Variants in RHOBTB3 observed in about 807,000 individuals in gnomAD.
The protein encoded by RHOBTB3 is rho-related BTB domain-containing protein 3.
In RHOBTB3, 47 loss-of-function variants were observed where a neutral mutation model predicts 67.2. The observed-to-expected ratio is 0.70, with a 90% confidence interval of 0.55 to 0.89. The LOEUF is 0.89. RHOBTB3 is among the 40% of genes least tolerant of loss of function. RHOBTB3 has a pLI of 0.00. For missense variants in RHOBTB3, 631 were observed against 750.0 expected, an observed-to-expected ratio of 0.84 and a Z score of 1.85; for synonymous variants, 273 against 274.2, an observed-to-expected ratio of 1.00 and a Z score of 0.04.
At chr5:95,724,372 A>G (rs994818653) in intron 1 of RHOBTB3, among the ~76,000 whole-genome samples, 1 of 152,268 alleles carries the variant, frequency 6.6e-6, no homozygotes, top group Non-Finnish European at 1.5e-5. Context: ...ACATTTTTAC[A>G]TGTTTAACAC....
upstream of RHOBTB3, among the ~76,000 whole-genome samples, chr5:95,729,415 C>T (rs1308068234): frequency 6.6e-6 from 1 of 152,156 alleles, no homozygotes; most frequent in Non-Finnish European, 1.5e-5. Flanking sequence ...TCTGACACTT[C>T]CAAGTTGTCA....
At chr5:95,764,831 CTT>C (rs987963180) in intron 7 of RHOBTB3, among the ~76,000 whole-genome samples, 9 of 150,552 alleles carry the variant, frequency 6.0e-5, no homozygotes, top group African/African-American at 2.2e-4. Context: ...AGAAAATAGT[CTT>C]TTTTGTAAAC....
intron 10 of RHOBTB3, among the ~76,000 whole-genome samples, chr5:95,786,928 A>G (rs1746240152): frequency 6.6e-6 from 1 of 152,204 alleles, no homozygotes. Flanking sequence ...AGGTCTGTAC[A>G]TTAGCTAGAA....
chr5:95,734,293 T>C, intron 2 of RHOBTB3, among the ~76,000 whole-genome samples: 1 of 136,574 alleles, frequency 7.3e-6, no homozygotes, highest in South Asian at 2.1e-4. Context: ...GAAATTCAGA[T>C]TTTTTTTTTT....
intron 4 of RHOBTB3, among the ~76,000 whole-genome samples, chr5:95,751,086 G>A (rs1054108524): frequency 1.2e-4 from 19 of 152,168 alleles, no homozygotes; most frequent in Non-Finnish European, 2.8e-4. Context: ...TTTGCCCCAG[G>A]CCTTGCAAGC....
intron 1 of RHOBTB3, among the ~76,000 whole-genome samples, chr5:95,724,060 T>G (rs903930457): frequency 6.6e-5 from 10 of 152,230 alleles, no homozygotes; most frequent in Admixed American, 2.0e-4. Context: ...ATTATGAAAT[T>G]TTCCTCTCAA....
intron 8 of RHOBTB3, 86 bp from the exon 9 acceptor site, chr5:95,780,166 G>A: frequency 9.6e-7 from 1 of 1,039,296 alleles, no homozygotes; most frequent in Non-Finnish European, 1.4e-6. Flanking sequence ...TGTCCCTAAT[G>A]TGGTAGTCTA....
intron 2 of RHOBTB3, chr5:95,732,844 C>A (rs1202349755): frequency 6.6e-6 from 1 of 152,168 alleles, no homozygotes; most frequent in Non-Finnish European, 1.5e-5. Flanking sequence ...ATATTTTCAG[C>A]ATACAATAAC....
chr5:95,760,367 T>C (rs1745363409), intron 6 of RHOBTB3, among the ~76,000 whole-genome samples: 1 of 152,216 alleles, frequency 6.6e-6, no homozygotes, highest in African/African-American at 2.4e-5. Flanking sequence ...GGTTGCACAT[T>C]CTTGAGTCAT....
chr5:95,747,024 A>G (rs1410123919), intron 3 of RHOBTB3, among the ~76,000 whole-genome samples: 1 of 152,184 alleles, frequency 6.6e-6, no homozygotes, highest in Non-Finnish European at 1.5e-5. Context: ...ATGTCCTTTC[A>G]GGGCCAGTGT....
intron 7 of RHOBTB3, among the ~76,000 whole-genome samples, chr5:95,764,931 A>G (rs759069544): frequency 5.3e-5 from 8 of 152,168 alleles, no homozygotes; most frequent in Non-Finnish European, 1.0e-4. Context: ...TTTTACAAGT[A>G]TATGGCAGGA....
intron 7 of RHOBTB3, among the ~76,000 whole-genome samples, chr5:95,767,483 A>C (rs1396507403): frequency 6.6e-6 from 1 of 152,040 alleles, no homozygotes; most frequent in Non-Finnish European, 1.5e-5. Flanking sequence ...TATTACAGGC[A>C]CATGCCACCA....
intron 8 of RHOBTB3, chr5:95,779,936 G>A (rs1015334012): frequency 6.5e-6 from 2 of 307,700 alleles, no homozygotes; most frequent in African/African-American, 4.2e-5. Context: ...CAATTGGAAA[G>A]GATTGATGTT....
Position 95,752,230 on chromosome 5 carries a change from C to A in RHOBTB3, c.571-9C>A. On this transcript the variant is annotated splice_polypyrimidine_tract_variant and intron_variant, in intron 4 of 11. Transcript: ENST00000379982. ...TGGATCTTCAATTAAAATTTGATTC[C>A]TGTTTTAGTTGGAGTATTTTATGAT... 6.9e-7 allele frequency: 1 copy of A among 1,458,042 alleles called. No individual in the cohort carries two copies. The highest frequency in any genetic ancestry group is 1.2e-5 in the South Asian group (1 of 80,936). The allele number at this position is 1,458,042 out of a possible 1,614,324, so 90.3% of individuals were successfully genotyped here.
At chr5:95,761,226 T>C (rs1431357744) in intron 6 of RHOBTB3, among the ~76,000 whole-genome samples, 3 of 152,196 alleles carry the variant, frequency 2.0e-5, no homozygotes, top group Non-Finnish European at 1.5e-5. Flanking sequence ...ACAGTACTTA[T>C]GTTCTTCTTT....
Position 95,731,660 on chromosome 5 carries a change from G to T in RHOBTB3, c.-23G>T. 1 of 1,613,072 alleles carries T rather than the reference G, an allele frequency of 6.2e-7. No individual in the cohort carries two copies. ...AGCCGCTGCTTTTCTCCGAGTCGCC[G>T]CCCTGCCCTTGGATTTGAGATCATG... is the stretch of plus-strand genomic sequence containing the variant. On this transcript the variant is annotated 5_prime_UTR_variant, in exon 1 of 12. Coordinates refer to ENST00000379982, the MANE Select transcript of RHOBTB3 (RefSeq NM_014899.4).
At chr5:95,749,036 G>A (rs1862236) in intron 4 of RHOBTB3, among the ~76,000 whole-genome samples, 5,903 of 152,222 alleles carry the variant, frequency 0.039, 403 homozygotes, top group African/African-American at 0.14. Context: ...GGCGCATATT[G>A]GGTTCTGCAG....
At chr5:95,790,004 A>G (rs994421138) in intron 11 of RHOBTB3, among the ~76,000 whole-genome samples, 1 of 152,226 alleles carries the variant, frequency 6.6e-6, no homozygotes, top group South Asian at 2.1e-4. Context: ...AAAAAAGAGT[A>G]AAAATCTCTT....
At chr5:95,770,870 G>A (rs139145646) in intron 8 of RHOBTB3, among the ~76,000 whole-genome samples, 55 of 152,062 alleles carry the variant, frequency 3.6e-4, no homozygotes, top group African/African-American at 1.3e-3. Context: ...GATTTCAGCT[G>A]ACAATAAATA....
Sources: allele counts gnomAD v4.1 joint callset (sites outside exome capture counted in the v4.1 genomes callset), GRCh38; gene constraint gnomAD v4.1.1; transcripts MANE v1.5; gene names NCBI Gene and HGNC (gene_info 2026-07-23, HGNC 2026-07-21).